The following PLEC variants were observed in gnomAD, a reference collection of about 807,000 sequenced individuals.
PLEC encodes the protein plectin, also known as hemidesmosomal protein 1.
Under a neutral mutation model 392.8 loss-of-function variants are expected in PLEC, and 216 were observed. The ratio of observed to expected loss-of-function variants is 0.55; its 90% CI spans 0.49 to 0.62. The LOEUF (loss-of-function observed/expected upper bound fraction) is 0.62, where lower values mean the gene tolerates loss of function less well. Among genes scored for constraint, PLEC ranks in the 20% least tolerant of loss-of-function variants. The pLI is 0.00. For missense variants in PLEC, 6,863 were observed against 6,563.4 expected (o/e 1.05, Z -1.58); for synonymous variants, 3,621 against 2,980.6 (o/e 1.21, Z -7.00).
chr8:143,960,102 G>A (rs1832801472), intron 1 of PLEC, among the ~76,000 whole-genome samples: 1 of 152,092 alleles, frequency 6.6e-6, no homozygotes, highest in African/African-American at 2.4e-5. Context: ...GACCAACATG[G>A]AGAAACCCTG....
rs1823955903 is a variant in PLEC at position 143,924,029 on chromosome 8, A to AGCTCGGCCT, written c.5891_5899dup (p.Gln1964_Glu1966dup). ...CAGCTGCCGCTGCCTCGCAGCCTCCAGCTCGGCCTGCTCCTTGCTGCGCAG... is the reference window on the plus strand; with the variant it reads ...CAGCTGCCGCTGCCTCGCAGCCTCCAGCTCGGCCTGCTCGGCCTGCTCCTTGCTGCGCAG... On this transcript the variant is annotated inframe_insertion, in exon 31 of 32. Transcript: ENST00000345136. The AGCTCGGCCT allele has an allele frequency of 6.3e-7, 1 of 1,592,058 alleles. No homozygotes were observed. The highest frequency in any genetic ancestry group is 8.5e-7 in the Non-Finnish European group (1 of 1,175,868).
chr8:143,919,569 C>G lies in PLEC; in HGVS notation c.10252G>C (p.Val3418Leu). 6.2e-7 allele frequency: 1 copy of G among 1,605,016 alleles called. No homozygotes were observed. The highest frequency in any genetic ancestry group is 8.5e-7 in the Non-Finnish European group (1 of 1,177,162). ...YVHEAVKAGV[V>L]GPELHEQLLS... The stretch of plus-strand genomic sequence containing the variant: ...AGCTGCTCGTGAAGCTCGGGGCCCA[C>G]CACGCCCGCCTTCACGGCCTCGTGG... Residue 3418 changes from valine to leucine, a missense_variant, in exon 32 of 32, where the codon GTG becomes CTG. Transcript: ENST00000345136.
chr8:143,921,191 G>A lies in PLEC; in HGVS notation c.8630C>T (p.Thr2877Met), dbSNP rs201565643. The change falls in exon 32 of 32, where the codon ACG (threonine) becomes ATG (methionine). Residue 2877 changes from threonine (T) to methionine (M), a missense_variant. Transcript: ENST00000345136. ...CGTGAGTGGCAGAAGGCACAGGCCC[G>A]TCTCGGGGTCCTCCACGCAGCGCTC... ...LLERCVEDPE[T>M]GLCLLPLTDK... 5.9e-5 allele frequency: 96 copies of A among 1,613,844 alleles called. No individual in the cohort carries two copies. In the Middle Eastern group the frequency reaches 6.6e-4, roughly 11 times the overall value.
Position 143,927,376 on chromosome 8 carries a change from C to A in PLEC, c.3756+34G>T, listed in dbSNP as rs782664676. 3.7e-6 allele frequency: 6 copies of A among 1,609,266 alleles called. No individual in the cohort carries two copies. The African/African-American group carries it at 8.0e-5, about 21-fold the overall frequency. ...GTCAGAGCCGTGGCCGCAGGGCACG[C>A]CCAGCCGCCCCGTCCCCACCGACCC... On this transcript the variant is annotated intron_variant, in intron 27 of 31. Coordinates refer to ENST00000345136, the MANE Select transcript of PLEC (RefSeq NM_201384.3).
rs199776873 is a variant in PLEC, at chr8:143,934,796, C to G, written c.945+14G>C. ...AGGGCAGGCCCAGGACCCCGCCCCC[C>G]ACGGCAGGCCCACCTCAATCTCCTC... On this transcript the variant is annotated intron_variant, in intron 9 of 31. Coordinates refer to ENST00000345136, the MANE Select transcript of PLEC (RefSeq NM_201384.3). 2.2e-5 allele frequency: 35 copies of G among 1,611,602 alleles called. No individual in the cohort carries two copies. The highest frequency in any genetic ancestry group is 6.7e-5 in the East Asian group (3 of 44,892).
In PLEC at chr8:143,920,967, C is replaced by A; in HGVS notation, c.8854G>T (p.Val2952Leu). ...LRQFRTGRITVEKIIKIIITV... is the reference protein window; with the variant it reads ...LRQFRTGRITLEKIIKIIITV... ...ATGATGATCTTGATGATCTTCTCCA[C>A]TGTGATCCGGCCCGTGCGGAACTGC... Residue 2952 changes from valine to leucine, a missense_variant, in exon 32 of 32, where the codon GTG (valine) becomes TTG (leucine). By Grantham distance (32) the Val-to-Leu change is conservative (BLOSUM62 1). Coordinates refer to ENST00000345136, the MANE Select transcript of PLEC (RefSeq NM_201384.3). The A allele has an allele frequency of 6.2e-7, 1 of 1,613,204 alleles. No individual in the cohort carries two copies. The highest frequency in any genetic ancestry group is 8.5e-7 in the Non-Finnish European group (1 of 1,180,036).
At chr8:143,975,091 T>A (rs936270928), upstream of PLEC, 11 of 1,453,388 alleles carry the variant, frequency 7.6e-6, no homozygotes, top group Admixed American at 1.9e-4. The surrounding 1 kb of genome is among the most constrained non-coding windows in gnomAD (Gnocchi z 9.9). Context: ...CCCCACCCAG[T>A]CCCCGCTCCA....
Position 143,925,104 on chromosome 8 carries a change from C to T in PLEC, c.4825G>A (p.Glu1609Lys), listed in dbSNP as rs1399626397. ...EHVAVAQLRE[E>K]AERRAQQQAE... Reference sequence around the variant, plus strand: ...TGCTGCTGTGCCCGCCGCTCAGCCTCCTCCCGCAGCTGTGCCACAGCCACG... The same window carrying T: ...TGCTGCTGTGCCCGCCGCTCAGCCTTCTCCCGCAGCTGTGCCACAGCCACG... The change falls in exon 31 of 32, where the codon GAG (glutamate) becomes AAG (lysine). Residue 1609 changes from glutamate to lysine, a missense_variant. Physicochemically the swap from Glu to Lys is moderately conservative, Grantham distance 56 (BLOSUM62 1). Transcript: ENST00000345136. 2 of 1,552,992 alleles carry T rather than the reference C, an allele frequency of 1.3e-6. No individual in the cohort carries two copies. Among genetic ancestry groups the T allele is most frequent in the African/African-American group, 1.4e-5 (1 of 73,670 alleles).
At chr8:143,965,289 G>A (rs1833034419) in intron 1 of PLEC, among the ~76,000 whole-genome samples, 2 of 152,152 alleles carry the variant, frequency 1.3e-5, no homozygotes, top group African/African-American at 4.8e-5. Flanking sequence ...CACCAGCTGG[G>A]AGGACTCTTC....
chr8:143,947,886 C>A (rs1831686006), intron 1 of PLEC, among the ~76,000 whole-genome samples: 1 of 152,226 alleles, frequency 6.6e-6, no homozygotes, highest in South Asian at 2.1e-4. Flanking sequence ...CTCCCTCTGG[C>A]CTTCCGGCCT....
rs782116668 is a variant in PLEC, at chr8:143,925,901, G to A, written c.4045-17C>T. On this transcript the variant is annotated splice_polypyrimidine_tract_variant and intron_variant, in intron 30 of 31. Transcript: ENST00000345136. ...AGCCAGCCTCTGTGGCCACAGCAGA[G>A]AGAAGAAGAGAAGCAGAGAGAGTGT... The A allele has an allele frequency of 6.5e-6, 10 of 1,536,704 alleles. No homozygotes were observed. In the South Asian group the frequency reaches 1.1e-4, roughly 16 times the overall value.
Position 143,924,548 on chromosome 8 carries a change from C to CCGGGCT in PLEC, c.5380_5381insAGCCCG (p.Ala1793_Gly1794insGluPro). ...CTCCTCGGCCAGCTCGCGGAACCGG[C>CCGGGCT]CGGCCTCGGCCTCCAGCCTCTGCTT... is the stretch of plus-strand genomic sequence containing the variant. On this transcript the variant is annotated inframe_insertion, in exon 31 of 32. Transcript: ENST00000345136. The CCGGGCT allele has an allele frequency of 6.5e-7, 1 of 1,542,082 alleles. No homozygotes were observed. The highest frequency in any genetic ancestry group is 8.7e-7 in the Non-Finnish European group (1 of 1,150,812).
exon 1 of PLEC, chr8:143,950,744 C>A (rs1455941835): frequency 7.8e-6 from 12 of 1,541,962 alleles, no homozygotes; most frequent in Non-Finnish European, 9.6e-6. Flanking sequence ...GGGGCAAAGG[C>A]AGCAGGCAGG....
At chr8:143,946,252 C>T (rs1459941197) in intron 1 of PLEC, 11 of 907,202 alleles carry the variant, frequency 1.2e-5, no homozygotes, top group South Asian at 2.9e-5. Flanking sequence ...CCAGGTCTGA[C>T]GGCACAGAAC....
chr8:143,966,449 C>T (rs993427910), intron 1 of PLEC, among the ~76,000 whole-genome samples: 7 of 152,234 alleles, frequency 4.6e-5, no homozygotes, highest in Admixed American at 2.0e-4. Context: ...CTGGCTCTTC[C>T]GCCCTCTCTG....
intron 1 of PLEC, among the ~76,000 whole-genome samples, chr8:143,971,540 A>C (rs1320924426): frequency 2.0e-5 from 3 of 152,114 alleles, no homozygotes; most frequent in South Asian, 4.1e-4. Context: ...GGAAAGGTGT[A>C]GGGCACAGGG....
Position 143,919,497 on chromosome 8 carries a change from C to T in PLEC, c.10324G>A (p.Gly3442Ser), listed in dbSNP as rs374003723. ...AVTGYRDPYS[G>S]STISLFQAMQ... ...GCCTGGAAGAGGGAGATGGTGCTGC[C>T]CGAGTAGGGGTCTCTGTAGCCGGTG... Residue 3442 changes from glycine (G) to serine (S), a missense_variant, in exon 32 of 32, where the codon GGC becomes AGC. Gly to Ser is a moderately conservative substitution (Grantham distance 56). Transcript: ENST00000345136. The T allele has an allele frequency of 2.5e-6, 4 of 1,612,868 alleles. No homozygotes were observed. The African/African-American group carries it at 5.3e-5, about 22-fold the overall frequency.
At chr8:143,935,382 A>T in intron 6 of PLEC, 69 bp from the exon 7 acceptor site, 1 of 1,051,024 alleles carries the variant, frequency 9.5e-7, no homozygotes, top group South Asian at 1.3e-5. Flanking sequence ...AGGCGGGTGC[A>T]CAGGCCGGCT....
upstream of PLEC, chr8:143,942,332 C>G: frequency 6.3e-7 from 1 of 1,582,248 alleles, no homozygotes; most frequent in Non-Finnish European, 8.6e-7. Context: ...GAGACCCAGC[C>G]CCACTAGGTG....
Sources: gnomAD v4.1 joint callset for allele counts (sites outside exome capture counted in the v4.1 genomes callset) on GRCh38, gnomAD v4.1.1 for gene constraint, Gnocchi (gnomAD v3.1) non-coding constraint, MANE v1.5 for transcripts, NCBI Gene and HGNC (gene_info 2026-07-23, HGNC 2026-07-21) for gene names.